Variants in PRKCH observed in about 807,000 individuals in gnomAD.
PRKCH encodes the protein protein kinase C eta.
In PRKCH, 28 loss-of-function variants were observed where a neutral mutation model predicts 82.5. The observed-to-expected ratio is 0.34, with a 90% CI of 0.25 to 0.47. The LOEUF (loss-of-function observed/expected upper bound fraction) is 0.47, where lower values mean the gene tolerates loss of function less well. Ranked by LOEUF, PRKCH falls within the 20% of genes least tolerant of loss-of-function variation. PRKCH has a pLI of 1.00. For synonymous variants in PRKCH, 322 were observed against 327.4 expected (o/e 0.98, Z 0.18); for missense variants, 705 against 881.8 (o/e 0.80, Z 2.54).
intron 9 of PRKCH, among the ~76,000 whole-genome samples, chr14:61,484,109 A>G (rs1291529459): frequency 6.6e-6 from 1 of 152,000 alleles, no homozygotes; most frequent in Non-Finnish European, 1.5e-5. Flanking sequence ...TCGCAAAATA[A>G]TCTGCAATCC....
intron 1 of PRKCH, among the ~76,000 whole-genome samples, chr14:61,269,328 CTTTA>C (rs959299759): frequency 1.8e-4 from 28 of 152,044 alleles, no homozygotes; most frequent in Admixed American, 6.5e-4. Flanking sequence ...AACATCCAAA[CTTTA>C]TTTACTCCCA....
chr14:61,487,093 TG>T (rs1886257703), intron 10 of PRKCH, among the ~76,000 whole-genome samples: 1 of 152,080 alleles, frequency 6.6e-6, no homozygotes, highest in South Asian at 2.1e-4. Flanking sequence ...GTAAGACTGG[TG>T]GGTGGTGCTG....
In PRKCH at chr14:61,457,559, G is replaced by A. The variant is rs2140296059; in HGVS notation, c.1158G>A (p.Leu386=). The change falls in exon 9 of 14, where the codon CTG becomes CTA. Residue 386 remains leucine (L), a synonymous_variant. Coordinates refer to ENST00000332981, the MANE Select transcript of PRKCH (RefSeq NM_006255.5). ...GAGACCTCTATGCTGTGAAGGTGCT[G>A]AAGAAGGACGTGATTCTGCAGGATG... The part of the protein sequence containing the change: ...ETGDLYAVKV[L]KKDVILQDDD... The A allele has an allele frequency of 1.2e-6, 2 of 1,614,138 alleles. No individual in the cohort carries two copies. Among genetic ancestry groups the A allele is most frequent in the Non-Finnish European group, 1.7e-6 (2 of 1,180,022 alleles).
intron 2 of PRKCH, among the ~76,000 whole-genome samples, chr14:61,438,466 T>C (rs1448303315): frequency 1.3e-5 from 2 of 152,216 alleles, no homozygotes; most frequent in African/African-American, 4.8e-5. Flanking sequence ...AATGAGGAGC[T>C]GTGATCCACG....
chr14:61,450,668 G>A (rs1261204253), intron 5 of PRKCH, among the ~76,000 whole-genome samples, 174 bp from the exon 6 acceptor site: 2 of 152,164 alleles, frequency 1.3e-5, no homozygotes, highest in East Asian at 1.9e-4. Context: ...TAGAAAATGT[G>A]TTTAGTCTGG....
At chr14:61,467,162 C>T (rs903931648) in intron 9 of PRKCH, among the ~76,000 whole-genome samples, 17 of 152,226 alleles carry the variant, frequency 1.1e-4, no homozygotes, top group African/African-American at 3.9e-4. Context: ...AGAATTTTCC[C>T]AGGCAGGGAA....
chr14:61,384,495 C>A (rs2046557955), intron 1 of PRKCH, among the ~76,000 whole-genome samples: 1 of 151,614 alleles, frequency 6.6e-6, no homozygotes, highest in Admixed American at 6.5e-5. Context: ...GATTGAATGG[C>A]CTTCCTGATG....
rs544006126 is a variant in PRKCH, at chr14:61,455,680, C to T, written c.961-1496C>T. ...AGGAATAAAGATCATGCAGCACGATCTTTAGGAATGGACAGTGCACTTGTC... is the reference window on the plus strand; with the variant it reads ...AGGAATAAAGATCATGCAGCACGATTTTTAGGAATGGACAGTGCACTTGTC... On this transcript the variant is annotated intron_variant, in intron 7 of 13. Coordinates refer to ENST00000332981, the MANE Select transcript of PRKCH (RefSeq NM_006255.5). 6.6e-5 allele frequency among the ~76,000 whole-genome samples: 10 copies of T among 152,290 alleles called. No homozygotes were observed. The South Asian group carries it at 1.7e-3, about 25-fold the overall frequency.
At chr14:61,421,801 G>C (rs1371216565) in intron 2 of PRKCH, among the ~76,000 whole-genome samples, 1 of 152,206 alleles carries the variant, frequency 6.6e-6, no homozygotes, top group Non-Finnish European at 1.5e-5. Context: ...TGTGTGGTAA[G>C]AGCTTTGGTC....
In PRKCH at chr14:61,541,555, G is replaced by A. The variant is rs182613649; in HGVS notation, c.1762-6188G>A. On this transcript the variant is annotated intron_variant, in intron 12 of 13. Transcript: ENST00000332981. Reference sequence around the variant, plus strand: ...ACTCTCTCTCTGCCCTTTGTTTAAGGTCTGAAATTGAATGAATGGAGAAGG... The same window carrying A: ...ACTCTCTCTCTGCCCTTTGTTTAAGATCTGAAATTGAATGAATGGAGAAGG... Among the ~76,000 whole-genome samples the A allele has an allele frequency of 5.3e-3, 806 of 152,290 alleles. 7 individuals carry two copies. The highest frequency in any genetic ancestry group is 5.8e-3 in the Non-Finnish European group (393 of 68,022).
At chr14:61,461,662 G>A (rs1219441835) in intron 9 of PRKCH, among the ~76,000 whole-genome samples, 1 of 152,186 alleles carries the variant, frequency 6.6e-6, no homozygotes, top group African/African-American at 2.4e-5. Flanking sequence ...ATACCTAACA[G>A]GGGAATTTGA....
rs1337779802 is a variant in PRKCH at position 61,549,700 on chromosome 14, G to T, written c.1921G>T (p.Val641Phe). ...TTTTTGGCAGAAATCCCGAGAAGAT[G>T]TCAGTAATTTTGACCCTGACTTCAT... ...FRPRIKSRED[V>F]SNFDPDFIKE... Residue 641 changes from valine (V) to phenylalanine (F), a missense_variant, in exon 14 of 14, where the codon GTC becomes TTC. Physicochemically the swap from Val to Phe is conservative, Grantham distance 50. Around this residue, in one of 5 missense-constraint regions of PRKCH, gnomAD observed 91 missense variants for 81.2 expected, o/e 1.12. Transcript: ENST00000332981. 1.9e-5 allele frequency: 30 copies of T among 1,611,286 alleles called. No homozygotes were observed. Among genetic ancestry groups the T allele is most frequent in the Non-Finnish European group, 2.5e-5 (29 of 1,179,490 alleles).
At chr14:61,488,016 G>A (rs1421591857) in intron 10 of PRKCH, among the ~76,000 whole-genome samples, 3 of 152,130 alleles carry the variant, frequency 2.0e-5, no homozygotes, top group African/African-American at 7.2e-5. Flanking sequence ...AGCCGGGCAA[G>A]GTGGCGGGTG....
At chr14:61,405,864 G>C (rs75668297) in intron 2 of PRKCH, among the ~76,000 whole-genome samples, 3,798 of 152,250 alleles carry the variant, frequency 0.025, 164 homozygotes, top group African/African-American at 0.085. Flanking sequence ...GATACTTCTT[G>C]TTTCATGTAA....
chr14:61,541,153 C>T (rs940426044), intron 12 of PRKCH, among the ~76,000 whole-genome samples: 2 of 152,242 alleles, frequency 1.3e-5, no homozygotes, highest in East Asian at 3.8e-4. Flanking sequence ...GCTGCTAGCA[C>T]GGGGTGTCTC....
At chr14:61,255,589 T>C (rs1386492957) in intron 1 of PRKCH, among the ~76,000 whole-genome samples, 1 of 152,152 alleles carries the variant, frequency 6.6e-6, no homozygotes, top group African/African-American at 2.4e-5. Context: ...ATAATAATAA[T>C]ACTTAGCATT....
chr14:61,380,562 T>G (rs1475766559), intron 1 of PRKCH, among the ~76,000 whole-genome samples: 1 of 152,206 alleles, frequency 6.6e-6, no homozygotes, highest in African/African-American at 2.4e-5. Flanking sequence ...GCTTGGTCTC[T>G]TCAGAGCCTC....
chr14:61,227,685 A>C (rs938510057), intron 1 of PRKCH, among the ~76,000 whole-genome samples: 2 of 152,172 alleles, frequency 1.3e-5, no homozygotes, highest in Non-Finnish European at 2.9e-5. Flanking sequence ...TGCCTGGCAT[A>C]TATTAGGTTG....
At chr14:61,356,528 G>T (rs749038737) in intron 1 of PRKCH, among the ~76,000 whole-genome samples, 4 of 152,314 alleles carry the variant, frequency 2.6e-5, no homozygotes, top group Non-Finnish European at 5.9e-5. Context: ...TATTTTGAGT[G>T]TCAGTTGATT....
Sources: allele counts gnomAD v4.1 joint callset (sites outside exome capture counted in the v4.1 genomes callset), GRCh38; gene constraint gnomAD v4.1.1; regional missense constraint gnomAD v4.1.1; transcripts MANE v1.5; gene names NCBI Gene and HGNC (gene_info 2026-07-23, HGNC 2026-07-21).